Variants in TMEM67 observed in about 807,000 individuals in gnomAD.
TMEM67 encodes the protein transmembrane protein 67.
A neutral mutation model predicts 136.6 loss-of-function variants in TMEM67; 124 were observed. The observed-to-expected ratio is 0.91, with a 90% confidence interval of 0.78 to 1.05. The LOEUF (loss-of-function observed/expected upper bound fraction) is 1.05. TMEM67 is among the 50% of genes least tolerant of loss of function. The probability of loss-of-function intolerance (pLI) is 0.00; values close to 1 mark genes in which losing one functional copy is unlikely to be tolerated. For synonymous variants in TMEM67, 364 were observed against 390.5 expected (o/e 0.93, Z 0.80); for missense variants, 1,107 against 1,178.4 (o/e 0.94, Z 0.89).
intron 26 of TMEM67, among the ~76,000 whole-genome samples, chr8:93,811,788 G>A (rs1460301149): frequency 2.0e-5 from 3 of 151,894 alleles, no homozygotes; most frequent in Non-Finnish European, 4.4e-5. Context: ...AGTGAGCGCC[G>A]AGATCGCACC....
the TMEM67 span, among the ~76,000 whole-genome samples, chr8:93,828,742 CAAAAAAA>C: frequency 9.5e-4 from 85 of 89,290 alleles, no homozygotes; most frequent in Middle Eastern, 5.9e-3. Flanking sequence ...AAGACTGTCT[CAAAAAAA>C]AAAAAAAAAA....
Position 93,758,506 on chromosome 8 carries a change from G to A in TMEM67, c.336G>A (p.Trp112Ter), listed in dbSNP as rs776999842. 1 of 1,613,762 alleles carries A rather than the reference G, an allele frequency of 6.2e-7. No homozygotes were observed. Among genetic ancestry groups the A allele is most frequent in the South Asian group, 1.1e-5 (1 of 90,970 alleles). Residue 112 changes from tryptophan (W) to a stop codon, truncating the protein, a stop_gained, in exon 3 of 28, where the codon TGG (tryptophan) becomes TGA (stop). Transcript: ENST00000453321. LOFTEE classifies it high-confidence loss of function. ...AGAAAGGTGTTACAGAAGATGGCTGGAACTGCATTTCTTGCCCTAGTGACT... is the reference window on the plus strand; with the variant it reads ...AGAAAGGTGTTACAGAAGATGGCTGAAACTGCATTTCTTGCCCTAGTGACT... ...ENMKGVTEDG[W>*]NCISCPSDLT... is the part of the protein sequence containing the mutation.
In TMEM67 at chr8:93,817,608, A is replaced by C. The variant is rs1485002380; in HGVS notation, c.*1156A>C. 1 of 152,230 alleles carries C rather than the reference A, an allele frequency of 6.6e-6. No individual in the cohort carries two copies. Among genetic ancestry groups the C allele is most frequent in the African/African-American group, 2.4e-5 (1 of 41,464 alleles). 9.4% of individuals were successfully genotyped at this position (152,230 alleles called of 1,614,324 possible). A position where few individuals can be genotyped will look rare whatever the true frequency, so the allele number is the denominator to read the frequency against. On this transcript the variant is annotated 3_prime_UTR_variant, in exon 28 of 28. Coordinates refer to ENST00000453321, the MANE Select transcript of TMEM67 (RefSeq NM_153704.6). ...ATGCTGTGTAAATACTTAAAATGGAATACTGTATAAATATTATTTATATTT... is the reference window on the plus strand; with the variant it reads ...ATGCTGTGTAAATACTTAAAATGGACTACTGTATAAATATTATTTATATTT...
Position 93,804,752 on chromosome 8 carries a change from CT to C in TMEM67, c.2323-5del. On this transcript the variant is annotated splice_polypyrimidine_tract_variant and intron_variant, in intron 22 of 27. Coordinates refer to ENST00000453321, the MANE Select transcript of TMEM67 (RefSeq NM_153704.6). ...GTTGCTATTTGCTTCTTTTTATTCT[CT>C]TTTTATAGATATCAGTGTTTCTGTT... is the stretch of plus-strand genomic sequence containing the variant. 6.7e-7 allele frequency: 1 copy of C among 1,500,108 alleles called. No individual in the cohort carries two copies. Among genetic ancestry groups the C allele is most frequent in the Non-Finnish European group, 9.3e-7 (1 of 1,078,094 alleles). The allele number at this position is 1,500,108 out of a possible 1,614,324, so 92.9% of individuals were successfully genotyped here. A position where few individuals can be genotyped will look rare whatever the true frequency, so the allele number is the denominator to read the frequency against.
intron 6 of TMEM67, among the ~76,000 whole-genome samples, chr8:93,766,382 T>C (rs1813083885): frequency 6.6e-6 from 1 of 152,224 alleles, no homozygotes; most frequent in Admixed American, 6.5e-5. Flanking sequence ...CCTCCCAAAG[T>C]GCTGGGATTA....
intron 14 of TMEM67, 177 bp from the exon 15 acceptor site, chr8:93,791,086 A>G (rs1311395197): frequency 1.8e-6 from 1 of 555,120 alleles, no homozygotes; most frequent in African/African-American, 1.9e-5. Context: ...AAGCAGCACA[A>G]GTAATTCTCA....
intron 23 of TMEM67, among the ~76,000 whole-genome samples, chr8:93,806,868 T>G (rs888626344): frequency 2.6e-5 from 4 of 152,210 alleles, no homozygotes; most frequent in African/African-American, 7.2e-5. Context: ...TGATGTTACT[T>G]TATTAATATA....
the TMEM67 span, among the ~76,000 whole-genome samples, chr8:93,829,742 G>A: frequency 3.3e-5 from 5 of 151,712 alleles, no homozygotes; most frequent in Admixed American, 2.0e-4. Context: ...CCTTCTCTCC[G>A]TGGTATTTTT....
rs35511670 is a variant in TMEM67, at chr8:93,798,942, AGTGTGTGTGTGTGTGTGT to A, written c.2101-651_2101-634del. 1.3e-4 allele frequency among the ~76,000 whole-genome samples: 18 copies of A among 143,398 alleles called. No homozygotes were observed. In the South Asian group the frequency reaches 1.6e-3, roughly 13 times the overall value. The allele number at this position is 143,398 out of a possible 152,430, so 94.1% of individuals were successfully genotyped here. On this transcript the variant is annotated intron_variant, in intron 20 of 27. Transcript: ENST00000453321. ...ACATCTTTTCTTTTTGTACTAAAGT[AGTGTGTGTGTGTGTGTGT>A]GTGTGTGTGTGTGTGTGTGTGTGTT...
the TMEM67 span, among the ~76,000 whole-genome samples, chr8:93,829,742 G>C: frequency 6.6e-6 from 1 of 151,712 alleles, no homozygotes; most frequent in East Asian, 1.9e-4. Flanking sequence ...CCTTCTCTCC[G>C]TGGTATTTTT....
At chr8:93,781,883 C>T in intron 10 of TMEM67, 139 bp downstream of exon 10, 1 of 522,810 alleles carries the variant, frequency 1.9e-6, no homozygotes, top group Non-Finnish European at 3.3e-6. Flanking sequence ...TTAAATTAGA[C>T]TTTCTTAAGT....
intron 26 of TMEM67, among the ~76,000 whole-genome samples, chr8:93,812,778 C>T (rs1808750691): frequency 6.6e-6 from 1 of 152,162 alleles, no homozygotes; most frequent in Admixed American, 6.5e-5. Context: ...CTCTTGTTGC[C>T]CAGGCTGGAG....
intron 20 of TMEM67, 48 bp from the exon 21 acceptor site, chr8:93,799,570 T>A (rs1191299591): frequency 6.2e-7 from 1 of 1,604,612 alleles, no homozygotes; most frequent in Non-Finnish European, 8.5e-7. Context: ...TAGAGTAGTT[T>A]TCTTTATCCA....
intron 7 of TMEM67, among the ~76,000 whole-genome samples, chr8:93,779,110 T>C (rs1050565252): frequency 1.3e-5 from 2 of 152,194 alleles, no homozygotes; most frequent in African/African-American, 4.8e-5. Context: ...AATTTGATCT[T>C]CAATTACTGA....
At chr8:93,758,742 C>G in intron 3 of TMEM67, 166 bp downstream of exon 3, 2 of 610,512 alleles carry the variant, frequency 3.3e-6, no homozygotes, top group Non-Finnish European at 5.8e-6. Context: ...GGACTGCACA[C>G]ATAACACCAC....
intron 16 of TMEM67, among the ~76,000 whole-genome samples, chr8:93,794,379 T>C (rs1263722255): frequency 6.6e-6 from 1 of 152,198 alleles, no homozygotes; most frequent in Non-Finnish European, 1.5e-5. Flanking sequence ...TTAAAAAATA[T>C]TTACCATGTA....
Position 93,755,130 on chromosome 8 carries a change from T to A in TMEM67, c.216T>A (p.Asp72Glu), listed in dbSNP as rs1812509835. ...CVPCGANQRQ[D>E]ARGTSCVCLP... ...CTTGTGGAGCTAACCAGAGGCAAGA[T>A]GCCCGAGGTAAGACGGTTTGCGGTG... The change falls in exon 1 of 28, where the codon GAT (aspartate) becomes GAA (glutamate). Residue 72 changes from aspartate (D) to glutamate (E), a missense_variant. Transcript: ENST00000453321. 6.2e-7 allele frequency: 1 copy of A among 1,614,040 alleles called. No homozygotes were observed. The highest frequency in any genetic ancestry group is 1.3e-5 in the African/African-American group (1 of 74,922).
downstream of TMEM67, among the ~76,000 whole-genome samples, chr8:93,822,057 A>G (rs1474638654): frequency 2.0e-5 from 3 of 152,238 alleles, no homozygotes; most frequent in Admixed American, 6.5e-5. Context: ...CATTATAAGA[A>G]TGAAAAGGCA....
At chr8:93,761,366 G>A (rs761126740) in intron 3 of TMEM67, among the ~76,000 whole-genome samples, 9 of 152,164 alleles carry the variant, frequency 5.9e-5, no homozygotes, top group Admixed American at 2.0e-4. Context: ...ATAGTTATTC[G>A]TGTATTAATG....
Sources: allele counts gnomAD v4.1 joint callset (sites outside exome capture counted in the v4.1 genomes callset), GRCh38; gene constraint gnomAD v4.1.1; transcripts MANE v1.5; gene names NCBI Gene and HGNC (gene_info 2026-07-23, HGNC 2026-07-21).